The following KALRN variants were observed in gnomAD, a reference collection of about 807,000 sequenced individuals.
KALRN encodes the protein kalirin.
KALRN carries 70 observed loss-of-function variants against 353.7 expected under a neutral mutation model. The ratio of observed to expected loss-of-function variants is 0.20; its 90% CI spans 0.16 to 0.24. The LOEUF (loss-of-function observed/expected upper bound fraction) is 0.24. Ranked by LOEUF, KALRN falls within the 10% of genes least tolerant of loss-of-function variation. The pLI is 1.00. For missense variants in KALRN, 2,791 were observed against 3,756.7 expected (o/e 0.74, Z 6.72); for synonymous variants, 1,391 against 1,434.8 (o/e 0.97, Z 0.69).
intron 34 of KALRN, among the ~76,000 whole-genome samples, chr3:124,620,815 TCAGA>T (rs1307331444): frequency 3.3e-5 from 5 of 152,188 alleles, no homozygotes; most frequent in African/African-American, 1.2e-4. Flanking sequence ...TGTCTCTGAC[TCAGA>T]CAGAGGATTA....
At chr3:124,058,021 A>G (rs978341741) in intron 1 of KALRN, among the ~76,000 whole-genome samples, 2 of 152,186 alleles carry the variant, frequency 1.3e-5, no homozygotes, top group Non-Finnish European at 2.9e-5. Context: ...CACCTCTTAC[A>G]TGGATGGCAA....
chr3:124,330,061 G>A, intron 8 of KALRN, 69 bp downstream of exon 8: 5 of 1,519,504 alleles, frequency 3.3e-6, no homozygotes, highest in Non-Finnish European at 3.6e-6. Flanking sequence ...GAGGGCACTG[G>A]CCTGTGCCCT....
At chr3:124,280,710 A>G (rs1189980889) in intron 5 of KALRN, among the ~76,000 whole-genome samples, 2 of 152,198 alleles carry the variant, frequency 1.3e-5, no homozygotes, top group African/African-American at 4.8e-5. Context: ...ATGTTCTCTC[A>G]CTTGAATAGA....
chr3:124,567,072 C>T (rs180812170), intron 34 of KALRN, among the ~76,000 whole-genome samples: 18 of 152,262 alleles, frequency 1.2e-4, no homozygotes, highest in African/African-American at 2.6e-4. Flanking sequence ...GGGTTCCCAA[C>T]GCTGGCTGCA....
intron 40 of KALRN, 21 bp downstream of exon 40, chr3:124,657,572 G>A (rs778775330): frequency 1.5e-5 from 24 of 1,578,688 alleles, no homozygotes; most frequent in East Asian, 6.7e-5. Flanking sequence ...ATGCTGCCCC[G>A]AGGATCCAGT....
intron 23 of KALRN, among the ~76,000 whole-genome samples, chr3:124,458,275 C>A (rs1426893154): frequency 0.014 from 1,141 of 82,464 alleles, no homozygotes; most frequent in East Asian, 0.028. Flanking sequence ...GACTCTGTCT[C>A]AAAAAAAAAA....
At chr3:124,673,778 A>G (rs891558936) in intron 48 of KALRN, among the ~76,000 whole-genome samples, 2 of 152,026 alleles carry the variant, frequency 1.3e-5, no homozygotes, top group Non-Finnish European at 2.9e-5. Flanking sequence ...TCTTATATTA[A>G]TGAGTAGGGG....
intron 55 of KALRN, 54 bp from the exon 56 acceptor site, chr3:124,699,815 A>C: frequency 6.4e-7 from 1 of 1,564,538 alleles, no homozygotes; most frequent in South Asian, 1.1e-5. Context: ...AAGGTCTTTG[A>C]AACAATATCC....
chr3:124,114,430 T>C (rs1303814452), intron 1 of KALRN, among the ~76,000 whole-genome samples: 1 of 152,138 alleles, frequency 6.6e-6, no homozygotes, highest in Non-Finnish European at 1.5e-5. Flanking sequence ...GTGTGACATA[T>C]GGGGACAGAT....
At chr3:124,510,582 A>T (rs79502493) in intron 33 of KALRN, among the ~76,000 whole-genome samples, 16,180 of 151,810 alleles carry the variant, frequency 0.11, 1,068 homozygotes, top group Non-Finnish European at 0.15. Context: ...TTGATGCGTC[A>T]TTGTCCTTTT....
chr3:124,446,485 G>T (rs904625558), intron 20 of KALRN, among the ~76,000 whole-genome samples: 3 of 152,214 alleles, frequency 2.0e-5, no homozygotes, highest in Non-Finnish European at 2.9e-5. Flanking sequence ...GTGAGGAAAT[G>T]CTAGGTCACC....
chr3:124,247,980 G>A (rs2070567779), intron 3 of KALRN, among the ~76,000 whole-genome samples: 1 of 152,184 alleles, frequency 6.6e-6, no homozygotes, highest in South Asian at 2.1e-4. Context: ...GTTCTCAAAA[G>A]TCCAGCATTA....
chr3:124,419,068 T>A (rs1180290700), intron 14 of KALRN, among the ~76,000 whole-genome samples: 1 of 150,918 alleles, frequency 6.6e-6, no homozygotes, highest in African/African-American at 2.4e-5. Context: ...CGAAACTCAG[T>A]CTAAAAGAAA....
At chr3:124,700,457 C>T (rs2062267971) in intron 56 of KALRN, among the ~76,000 whole-genome samples, 2 of 152,194 alleles carry the variant, frequency 1.3e-5, no homozygotes, top group South Asian at 2.1e-4. Flanking sequence ...TTCATTACAA[C>T]ATGAGGATTT....
intron 21 of KALRN, among the ~76,000 whole-genome samples, chr3:124,447,109 A>G (rs750931373): frequency 2.0e-5 from 3 of 152,234 alleles, no homozygotes; most frequent in Non-Finnish European, 4.4e-5. Flanking sequence ...GTCAATTGCT[A>G]TATACTGTGC....
chr3:124,326,629 C>A (rs999903504), intron 7 of KALRN, among the ~76,000 whole-genome samples: 3 of 152,178 alleles, frequency 2.0e-5, no homozygotes, highest in African/African-American at 7.2e-5. Flanking sequence ...ATAATAATTA[C>A]TCGTACTTAC....
chr3:124,322,997 C>A (rs1033113121), intron 6 of KALRN, among the ~76,000 whole-genome samples: 2 of 152,092 alleles, frequency 1.3e-5, no homozygotes, highest in African/African-American at 4.8e-5. Flanking sequence ...TGTATTTATC[C>A]CTCTATTATG....
At chr3:124,326,296 G>T (rs2079902993) in intron 7 of KALRN, 125 bp downstream of exon 7, 2 of 649,286 alleles carry the variant, frequency 3.1e-6, no homozygotes, top group Non-Finnish European at 4.9e-6. Flanking sequence ...AAACACTGAA[G>T]ACCCTGCCGA....
At chr3:124,613,984 C>G (rs116691338) in intron 34 of KALRN, among the ~76,000 whole-genome samples, 4 of 152,140 alleles carry the variant, frequency 2.6e-5, no homozygotes, top group African/African-American at 9.7e-5. Context: ...CCCCAAAAAC[C>G]TCCAACACCA....
Sources: gnomAD v4.1 joint callset for allele counts (sites outside exome capture counted in the v4.1 genomes callset) on GRCh38, gnomAD v4.1.1 for gene constraint, MANE v1.5 for transcripts, NCBI Gene and HGNC (gene_info 2026-07-23, HGNC 2026-07-21) for gene names.